The following RBFOX1 variants were observed in gnomAD, a reference collection of about 807,000 sequenced individuals.
RBFOX1 encodes RNA binding fox-1 homolog 1.
In RBFOX1, 8 loss-of-function variants were observed where a neutral mutation model predicts 57.7. The observed-to-expected ratio is 0.14, with a 90% CI of 0.08 to 0.25. The LOEUF is 0.25. Among genes scored for constraint, RBFOX1 ranks in the 10% least tolerant of loss-of-function variants. The probability of loss-of-function intolerance (pLI) is 1.00; values close to 1 mark genes in which losing one functional copy is unlikely to be tolerated. For synonymous variants in RBFOX1, 326 were observed against 222.4 expected (o/e 1.47, Z -4.15); for missense variants, 611 against 548.5 (o/e 1.11, Z -1.14).
At chr16:6,367,641 T>A (rs905583269) in intron 2 of RBFOX1, among the ~76,000 whole-genome samples, 16 of 151,734 alleles carry the variant, frequency 1.1e-4, no homozygotes, top group African/African-American at 3.9e-4. Context: ...AAAAATACCA[T>A]GAGAACATGG....
intron 3 of RBFOX1, among the ~76,000 whole-genome samples, chr16:6,843,233 G>A (rs994564015): frequency 6.6e-6 from 1 of 152,106 alleles, no homozygotes; most frequent in African/African-American, 2.4e-5. Context: ...CTTTATTTCT[G>A]TGAACCTTTT....
At chr16:5,447,516 G>C (rs1001563445) in intron 1 of RBFOX1, among the ~76,000 whole-genome samples, 17 of 151,982 alleles carry the variant, frequency 1.1e-4, no homozygotes, top group African/African-American at 3.6e-4. Flanking sequence ...TCCTGCCTCA[G>C]CCTCCCGAAT....
chr16:6,483,537 C>T (rs1050045486), intron 2 of RBFOX1: 2 of 1,535,540 alleles, frequency 1.3e-6, no homozygotes, highest in Admixed American at 2.0e-5. Context: ...GTGGGAGATG[C>T]CCTTCAGGTA....
chr16:5,304,524 G>A (rs191106173), intron 1 of RBFOX1, among the ~76,000 whole-genome samples: 1 of 152,288 alleles, frequency 6.6e-6, no homozygotes, highest in Non-Finnish European at 1.5e-5. Flanking sequence ...TCTCAGTGCG[G>A]CAGAAAGCCA....
intron 1 of RBFOX1, among the ~76,000 whole-genome samples, chr16:6,148,964 GA>G (rs1453059520): frequency 6.6e-6 from 1 of 151,518 alleles, no homozygotes; most frequent in Non-Finnish European, 1.5e-5. Context: ...CAACGTAGAA[GA>G]AAAAAAAGAA....
At chr16:5,249,261 G>A (rs2062384050) in intron 1 of RBFOX1, among the ~76,000 whole-genome samples, 1 of 152,154 alleles carries the variant, frequency 6.6e-6, no homozygotes, top group East Asian at 1.9e-4. Flanking sequence ...AGGAAGGATG[G>A]GGTGCCCTGG....
Position 6,019,914 on chromosome 16 carries a change from G to A in RBFOX1, c.-205G>A. ...CCTCCAGCTTATGGTGAGTGTGGCTGGGGGTGCAGAGAGCGCACGGGAATT... is the reference window on the plus strand; with the variant it reads ...CCTCCAGCTTATGGTGAGTGTGGCTAGGGGTGCAGAGAGCGCACGGGAATT... On this transcript the variant is annotated 5_prime_UTR_variant, in exon 1 of 16. Transcript: ENST00000550418. This position sits in a 1 kb window ranked among gnomAD's most constrained non-coding sequence, Gnocchi z 4.2. 6.5e-7 allele frequency: 1 copy of A among 1,534,922 alleles called. No homozygotes were observed. The highest frequency in any genetic ancestry group is 8.7e-7 in the Non-Finnish European group (1 of 1,146,462).
At chr16:5,342,841 T>C (rs2065060535) in intron 1 of RBFOX1, among the ~76,000 whole-genome samples, 1 of 152,160 alleles carries the variant, frequency 6.6e-6, no homozygotes, top group Non-Finnish European at 1.5e-5. Context: ...TGTGACTGTT[T>C]TTCCGCATCT....
chr16:7,417,196 C>G (rs1286491669), intron 4 of RBFOX1, among the ~76,000 whole-genome samples: 1 of 151,654 alleles, frequency 6.6e-6, no homozygotes, highest in Non-Finnish European at 1.5e-5. Context: ...ATGGTGAAAC[C>G]CCATCTCTAC....
chr16:5,747,580 G>T (rs2053035979), intron 3 of RBFOX1, among the ~76,000 whole-genome samples: 1 of 152,146 alleles, frequency 6.6e-6, no homozygotes, highest in South Asian at 2.1e-4. Context: ...TCTGTTCAGG[G>T]ATTCAACTTA....
chr16:5,810,611 G>C lies in RBFOX1; in HGVS notation c.319-56692G>C, dbSNP rs75923503. On this transcript the variant is annotated intron_variant, in intron 3 of 19. Coordinates refer to the RBFOX1 transcript ENST00000641259. ...GTAATTTGAGTGACACTCCTGCTGGGTTGACCCAGCCCGTGGAACTCCTAA... is the reference window on the plus strand; with the variant it reads ...GTAATTTGAGTGACACTCCTGCTGGCTTGACCCAGCCCGTGGAACTCCTAA... Among the ~76,000 whole-genome samples, 649 of 152,260 alleles carry C rather than the reference G, an allele frequency of 4.3e-3. 2 individuals are homozygous for C. Among genetic ancestry groups the C allele is most frequent in the African/African-American group, 0.015 (630 of 41,548 alleles).
At chr16:7,503,882 T>C (rs1235362246) in intron 4 of RBFOX1, among the ~76,000 whole-genome samples, 1 of 152,162 alleles carries the variant, frequency 6.6e-6, no homozygotes, top group Non-Finnish European at 1.5e-5. Flanking sequence ...CAGGAATGGA[T>C]GGCAGTGGTG....
intron 2 of RBFOX1, among the ~76,000 whole-genome samples, chr16:6,487,875 C>G (rs1598040691): frequency 1.3e-5 from 2 of 151,092 alleles, no homozygotes; most frequent in South Asian, 4.2e-4. Flanking sequence ...TAAAATGGTC[C>G]TTTTTCCTTA....
intron 2 of RBFOX1, among the ~76,000 whole-genome samples, chr16:6,521,055 A>G (rs1278490181): frequency 3.3e-5 from 5 of 152,156 alleles, no homozygotes; most frequent in Non-Finnish European, 7.3e-5. Context: ...AGATCCTTTA[A>G]TCAAGCAATT....
At chr16:7,423,872 C>A (rs547681949) in intron 4 of RBFOX1, among the ~76,000 whole-genome samples, 1 of 152,150 alleles carries the variant, frequency 6.6e-6, no homozygotes, top group African/African-American at 2.4e-5. Context: ...GCATTATGCA[C>A]ATGAGCTGTC....
At position 7,564,540 on chromosome 16, in the gene RBFOX1, C is replaced by CAAAAAAAAAAAAAA. The variant is rs5815409; in HGVS notation, c.271-15222_271-15209dup. On this transcript the variant is annotated intron_variant, in intron 5 of 15. Transcript: ENST00000550418. Reference sequence around the variant, plus strand: ...TGGCTGACAGAGCAAGACTCCATCTCAAAAAAAAAAAAAAAAAAAAAAAAA... The same window carrying CAAAAAAAAAAAAAA: ...TGGCTGACAGAGCAAGACTCCATCTCAAAAAAAAAAAAAAAAAAAAAAAAAAAAAAAAAAAAAAA... Among the ~76,000 whole-genome samples the CAAAAAAAAAAAAAA allele has an allele frequency of 5.6e-4, 46 of 82,510 alleles. 8 individuals carry two copies. The highest frequency in any genetic ancestry group is 4.1e-3 in the African/African-American group (43 of 10,450). 54.1% of individuals were successfully genotyped at this position (82,510 alleles called of 152,430 possible).
At chr16:6,731,739 C>G (rs561092384) in intron 3 of RBFOX1, among the ~76,000 whole-genome samples, 4 of 152,208 alleles carry the variant, frequency 2.6e-5, no homozygotes, top group Non-Finnish European at 5.9e-5. Context: ...TTAGTCCATC[C>G]TTTATTACAG....
At chr16:5,954,772 A>C (rs2059589903) in intron 4 of RBFOX1, among the ~76,000 whole-genome samples, 1 of 152,124 alleles carries the variant, frequency 6.6e-6, no homozygotes. Flanking sequence ...TACATTTAAA[A>C]TGCTTCCTTC....
intron 4 of RBFOX1, among the ~76,000 whole-genome samples, chr16:7,330,228 A>G (rs1216129384): frequency 6.6e-6 from 1 of 152,070 alleles, no homozygotes; most frequent in Non-Finnish European, 1.5e-5. Flanking sequence ...GGATTTGCAT[A>G]TAACCTATGC....
Sources: gnomAD v4.1 joint callset for allele counts (sites outside exome capture counted in the v4.1 genomes callset) on GRCh38, gnomAD v4.1.1 for gene constraint, Gnocchi (gnomAD v3.1) non-coding constraint, MANE v1.5 for transcripts, NCBI Gene and HGNC (gene_info 2026-07-23, HGNC 2026-07-21) for gene names.